Variants in PAX5 observed in about 807,000 individuals in gnomAD.
The protein encoded by PAX5 is paired box protein Pax-5.
PAX5 carries 9 observed loss-of-function variants against 43.7 expected under a neutral mutation model. The observed-to-expected ratio is 0.21, with a 90% CI of 0.12 to 0.36. The LOEUF (loss-of-function observed/expected upper bound fraction) is 0.36, where lower values mean the gene tolerates loss of function less well. Ranked by LOEUF, PAX5 falls within the 10% of genes least tolerant of loss-of-function variation. The pLI is 1.00. For missense variants in PAX5, 383 were observed against 532.7 expected, an observed-to-expected ratio of 0.72 and a Z score of 2.77; for synonymous variants, 228 against 214.3, an observed-to-expected ratio of 1.06 and a Z score of -0.56.
Position 37,034,098 on chromosome 9 carries a change from CTTTTTTTTTTTTTTT to C in PAX5, c.-82_-68del, listed in dbSNP as rs576653546. 7.5e-5 allele frequency: 24 copies of C among 320,064 alleles called. No homozygotes were observed. Among genetic ancestry groups the C allele is most frequent in the Middle Eastern group, 9.1e-4 (1 of 1,094 alleles). 19.8% of individuals were successfully genotyped at this position (320,064 alleles called of 1,614,324 possible). On this transcript the variant is annotated 5_prime_UTR_variant, in exon 1 of 10. Coordinates refer to ENST00000358127, the MANE Select transcript of PAX5 (RefSeq NM_016734.3). ...TCCACTTTTTTGTGCCTTTTTTTTT[CTTTTTTTTTTTTTTT>C]TTTTTTTTTTTTTGGTGCCAGGGGC...
At chr9:36,995,871 C>T (rs1206158798) in intron 5 of PAX5, among the ~76,000 whole-genome samples, 2 of 152,258 alleles carry the variant, frequency 1.3e-5, no homozygotes, top group Admixed American at 1.3e-4. Flanking sequence ...AGGCCTCCAC[C>T]CCCCTGTGCT....
At chr9:36,923,251 T>C in intron 7 of PAX5, 104 bp downstream of exon 7, 2 of 1,428,854 alleles carry the variant, frequency 1.4e-6, no homozygotes. Flanking sequence ...TAAAACAAAA[T>C]TGGCCAATCA....
At chr9:36,941,107 C>G (rs759135588) in intron 6 of PAX5, among the ~76,000 whole-genome samples, 1 of 152,148 alleles carries the variant, frequency 6.6e-6, no homozygotes, top group South Asian at 2.1e-4. Flanking sequence ...CACGGATTAG[C>G]GTGCAAGGGC....
At chr9:36,847,289 A>C (rs1421043203) in intron 8 of PAX5, among the ~76,000 whole-genome samples, 1 of 152,108 alleles carries the variant, frequency 6.6e-6, no homozygotes, top group Non-Finnish European at 1.5e-5. Flanking sequence ...GTCTTGATAC[A>C]CCTTGCTAAG....
At chr9:36,886,183 G>A (rs1587869529) in intron 7 of PAX5, among the ~76,000 whole-genome samples, 1 of 152,186 alleles carries the variant, frequency 6.6e-6, no homozygotes, top group South Asian at 2.1e-4. Flanking sequence ...GACCCCAAGT[G>A]CACTAGCAAG....
chr9:36,867,477 C>T (rs550769637), intron 8 of PAX5, among the ~76,000 whole-genome samples: 26 of 151,932 alleles, frequency 1.7e-4, no homozygotes, highest in African/African-American at 4.9e-4. Context: ...AAGGGGCTAC[C>T]GTGAGGCTCC....
At chr9:36,938,479 C>CTT (rs1385392332) in intron 6 of PAX5, among the ~76,000 whole-genome samples, 1 of 152,118 alleles carries the variant, frequency 6.6e-6, no homozygotes, top group African/African-American at 2.4e-5. Flanking sequence ...CATAAAACTG[C>CTT]TTGCTAGAAA....
chr9:36,982,004 A>G (rs1835982422), intron 5 of PAX5, among the ~76,000 whole-genome samples: 1 of 152,226 alleles, frequency 6.6e-6, no homozygotes, highest in Non-Finnish European at 1.5e-5. Flanking sequence ...GTGGCTCCCC[A>G]CTGTAATCCC....
At chr9:36,965,376 T>C (rs1834330709) in intron 6 of PAX5, among the ~76,000 whole-genome samples, 1 of 152,248 alleles carries the variant, frequency 6.6e-6, no homozygotes, top group Non-Finnish European at 1.5e-5. Context: ...TGAATGCGTC[T>C]TGCAGCGTGG....
intron 7 of PAX5, among the ~76,000 whole-genome samples, chr9:36,913,136 C>T (rs1214458266): frequency 6.6e-6 from 1 of 152,226 alleles, no homozygotes. Flanking sequence ...TACTGCAAAT[C>T]AGAGCAGGTG....
chr9:36,914,477 G>A (rs1235463340), intron 7 of PAX5, among the ~76,000 whole-genome samples: 4 of 152,190 alleles, frequency 2.6e-5, no homozygotes, highest in Non-Finnish European at 5.9e-5. Flanking sequence ...CACGGGGAAA[G>A]CCCTGGACAC....
At chr9:36,923,131 A>C (rs1336294068) in intron 7 of PAX5, 3 of 498,702 alleles carry the variant, frequency 6.0e-6, no homozygotes, top group Non-Finnish European at 7.0e-6. Context: ...CCCACAGTCC[A>C]TTTGGCATTT....
chr9:36,986,951 G>A (rs764592714), intron 5 of PAX5, among the ~76,000 whole-genome samples: 1 of 152,230 alleles, frequency 6.6e-6, no homozygotes, highest in African/African-American at 2.4e-5. Context: ...CAGTGCCTGG[G>A]TGTCCAGAGG....
chr9:37,012,010 G>A (rs191678657), intron 3 of PAX5, among the ~76,000 whole-genome samples: 4 of 152,272 alleles, frequency 2.6e-5, no homozygotes, highest in African/African-American at 9.6e-5. Flanking sequence ...TCTGGCTTTG[G>A]GGGTTTAGGG....
rs1019651582 is a variant in PAX5 at position 37,031,342 on chromosome 9, T to C, written c.46+2644A>G. Among the ~76,000 whole-genome samples, 38 of 152,290 alleles carry C rather than the reference T, an allele frequency of 2.5e-4. 1 individual carries two copies. Among genetic ancestry groups the C allele is most frequent in the African/African-American group, 5.5e-4 (23 of 41,556 alleles). The stretch of plus-strand genomic sequence containing the variant: ...CAGAGAACAAATCCTGAGATGTGAC[T>C]TCTTAGGCTCTGTGAGATGAAGCTT... On this transcript the variant is annotated intron_variant, in intron 1 of 9. Coordinates refer to ENST00000358127, the MANE Select transcript of PAX5 (RefSeq NM_016734.3).
intron 7 of PAX5, among the ~76,000 whole-genome samples, chr9:36,905,712 G>C (rs1587929932): frequency 6.6e-6 from 1 of 152,088 alleles, no homozygotes; most frequent in African/African-American, 2.4e-5. Flanking sequence ...GAGGATAGGA[G>C]AGGGAAAAAA....
intron 8 of PAX5, among the ~76,000 whole-genome samples, chr9:36,871,955 T>G (rs1825533786): frequency 6.6e-6 from 1 of 152,360 alleles, no homozygotes; most frequent in East Asian, 1.9e-4. Context: ...CCAGCACCTG[T>G]GAGCCTAGGA....
At chr9:36,939,904 C>T (rs1179637801) in intron 6 of PAX5, among the ~76,000 whole-genome samples, 2 of 152,142 alleles carry the variant, frequency 1.3e-5, no homozygotes, top group Admixed American at 6.5e-5. Flanking sequence ...CTCGTGGCCA[C>T]TCTCCTCCTG....
At chr9:36,914,084 C>G (rs1375228345) in intron 7 of PAX5, among the ~76,000 whole-genome samples, 3 of 152,184 alleles carry the variant, frequency 2.0e-5, no homozygotes, top group Non-Finnish European at 2.9e-5. Flanking sequence ...GGGGCTTCTC[C>G]CTGCCTGAGG....
Sources: gnomAD v4.1 joint callset for allele counts (sites outside exome capture counted in the v4.1 genomes callset) on GRCh38, gnomAD v4.1.1 for gene constraint, MANE v1.5 for transcripts, NCBI Gene and HGNC (gene_info 2026-07-23, HGNC 2026-07-21) for gene names.